UNKL: variants seen among roughly 807,000 people sequenced by gnomAD.
UNKL encodes the protein unk like zinc finger, also known as putative E3 ubiquitin-protein ligase UNKL.
A neutral mutation model predicts 78.0 loss-of-function variants in UNKL; 60 were observed. The observed-to-expected ratio is 0.77, with a 90% CI of 0.63 to 0.95. The LOEUF is 0.95. Ranked by LOEUF, UNKL falls within the 40% of genes least tolerant of loss-of-function variation. The pLI, the probability that UNKL is intolerant of heterozygous loss-of-function variation, is 0.00. For missense variants in UNKL, 1,159 were observed against 1,045.7 expected (o/e 1.11, Z -1.49); for synonymous variants, 608 against 474.8 (o/e 1.28, Z -3.65).
Position 1,376,632 on chromosome 16 carries a change from G to A in UNKL, c.1265-5021C>T, listed in dbSNP as rs111376614. Among the ~76,000 whole-genome samples, 221 of 152,176 alleles carry A rather than the reference G, an allele frequency of 1.5e-3. 1 individual carries two copies. The highest frequency in any genetic ancestry group is 5.4e-3 in the East Asian group (28 of 5,172). On this transcript the variant is annotated intron_variant, in intron 10 of 14. Transcript: ENST00000389221. Reference sequence around the variant, plus strand: ...CACTGGCTCAGGGTCCCACCCTACCGGCCTCATTTTAACCTGGTTATGAGG... The same window carrying A: ...CACTGGCTCAGGGTCCCACCCTACCAGCCTCATTTTAACCTGGTTATGAGG...
chr16:1,413,731 C>T (rs1040919633), intron 2 of UNKL, 115 bp downstream of exon 2: 4 of 1,183,720 alleles, frequency 3.4e-6, no homozygotes, highest in South Asian at 1.6e-5. Flanking sequence ...ATTACGACTC[C>T]CTCTGCAGGG....
intron 10 of UNKL, among the ~76,000 whole-genome samples, chr16:1,384,901 C>A (rs1160499249): frequency 6.6e-6 from 1 of 151,596 alleles, no homozygotes. Context: ...CAACTCCCAT[C>A]ATCTGTCAAC....
intron 5 of UNKL, among the ~76,000 whole-genome samples, chr16:1,397,586 AGAGGACT>A (rs2037332872): frequency 4.7e-4 from 1 of 2,140 alleles, no homozygotes; most frequent in Non-Finnish European, 1.3e-3. Flanking sequence ...AGGGGGACAC[AGAGGACT>A]TGGCTCCCCC....
intron 5 of UNKL, chr16:1,398,458 T>C (rs2037371120): frequency 1.8e-6 from 2 of 1,142,208 alleles, no homozygotes; most frequent in Non-Finnish European, 1.1e-6. Flanking sequence ...TCAGGTCCTT[T>C]ACTCGGAAGC....
In UNKL at chr16:1,370,129, C is replaced by G; in HGVS notation, c.1585+1G>C. The stretch of plus-strand genomic sequence containing the variant: ...CCAGCATGGAGGGAGCCGGCACTCA[C>G]CTAGGGGGCTGTAGGATGAGGCTGC... On this transcript the variant is annotated splice_donor_variant, in intron 12 of 14. Transcript: ENST00000389221. LOFTEE classifies it high-confidence loss of function. 6.5e-7 allele frequency: 1 copy of G among 1,529,954 alleles called. No individual in the cohort carries two copies. Among genetic ancestry groups the G allele is most frequent in the East Asian group, 2.5e-5 (1 of 40,596 alleles). The allele number at this position is 1,529,954 out of a possible 1,614,324, so 94.8% of individuals were successfully genotyped here. A position where few individuals can be genotyped will look rare whatever the true frequency, so the allele number is the denominator to read the frequency against.
chr16:1,369,959 A>G (rs2035657394), intron 12 of UNKL, 171 bp downstream of exon 12: 1 of 1,549,994 alleles, frequency 6.5e-7, no homozygotes, highest in Non-Finnish European at 8.7e-7. Flanking sequence ...TGGGCGACAG[A>G]GCGAGACTCG....
At chr16:1,401,755 G>A in intron 3 of UNKL, 54 bp from the exon 4 acceptor site, 1 of 1,561,260 alleles carries the variant, frequency 6.4e-7, no homozygotes, top group Admixed American at 1.7e-5. Flanking sequence ...CTCCAAAGCT[G>A]AAACGAGGTC....
intron 4 of UNKL, among the ~76,000 whole-genome samples, chr16:1,400,710 C>T (rs1005585380): frequency 2.0e-5 from 3 of 150,948 alleles, no homozygotes; most frequent in African/African-American, 7.3e-5. Flanking sequence ...TTTTTTGAAA[C>T]GGAGTCTCAC....
At chr16:1,408,680 G>C (rs74002227) in intron 2 of UNKL, 1 of 152,766 alleles carries the variant, frequency 6.5e-6, no homozygotes, top group Non-Finnish European at 1.5e-5. Context: ...CCCCAGGGGG[G>C]GCTGACAGAG....
At chr16:1,380,761 G>T (rs1286221650) in intron 10 of UNKL, among the ~76,000 whole-genome samples, 3 of 130,068 alleles carry the variant, frequency 2.3e-5, no homozygotes, top group Non-Finnish European at 3.1e-5. Context: ...TACAACCTCC[G>T]CCTTTGCGGT....
intron 2 of UNKL, among the ~76,000 whole-genome samples, chr16:1,412,670 G>A (rs1340850919): frequency 2.0e-5 from 3 of 152,172 alleles, no homozygotes; most frequent in Admixed American, 1.3e-4. Flanking sequence ...AAATAAATAC[G>A]TAAACATCAA....
At chr16:1,371,480 G>A (rs919693195) in intron 11 of UNKL, 39 bp downstream of exon 11, 7 of 1,528,058 alleles carry the variant, frequency 4.6e-6, no homozygotes, top group East Asian at 4.9e-5. Flanking sequence ...GCTGTTCAGC[G>A]GCTGGAGGAG....
Position 1,397,442 on chromosome 16 carries a change from G to A in UNKL, c.735-147C>T, listed in dbSNP as rs1464298242. The A allele has an allele frequency of 3.4e-5, 31 of 907,302 alleles. 2 individuals carry two copies. The highest frequency in any genetic ancestry group is 2.2e-4 in the Admixed American group (7 of 31,372). 56.2% of individuals were successfully genotyped at this position (907,302 alleles called of 1,614,324 possible). A position where few individuals can be genotyped will look rare whatever the true frequency, so the allele number is the denominator to read the frequency against. On this transcript the variant is annotated intron_variant, in intron 5 of 14. Coordinates refer to ENST00000389221, the MANE Select transcript of UNKL (RefSeq NM_001372107.1). ...ACTTGGCTCCCTGCCCCCCACCCCC[G>A]TGCTTCACGCTGGGGCAGGGCGTGG...
At chr16:1,410,781 A>G (rs1460823891) in intron 2 of UNKL, among the ~76,000 whole-genome samples, 2 of 152,244 alleles carry the variant, frequency 1.3e-5, no homozygotes, top group African/African-American at 2.4e-5. Context: ...CCAGACATCA[A>G]CTAGACAAAT....
chr16:1,378,549 C>T (rs1269574692), intron 10 of UNKL, among the ~76,000 whole-genome samples: 2 of 152,222 alleles, frequency 1.3e-5, no homozygotes, highest in Non-Finnish European at 2.9e-5. Flanking sequence ...AAGCTTCACC[C>T]ACCAGCTGCA....
At chr16:1,370,055 A>G (rs1362645783) in intron 12 of UNKL, 75 bp downstream of exon 12, 9 of 1,550,488 alleles carry the variant, frequency 5.8e-6, no homozygotes, top group African/African-American at 1.4e-5. Context: ...GAGGCCCCTC[A>G]GTCAGGACGG....
At chr16:1,369,902 G>C in intron 12 of UNKL, 1 of 1,521,968 alleles carries the variant, frequency 6.6e-7, no homozygotes, top group Non-Finnish European at 8.8e-7. Flanking sequence ...TTGAACCTGG[G>C]AGGCGGAGGT....
intron 8 of UNKL, 104 bp from the exon 9 acceptor site, chr16:1,390,798 G>C: frequency 8.0e-7 from 1 of 1,254,294 alleles, no homozygotes; most frequent in South Asian, 1.3e-5. Flanking sequence ...GGGAGGCTGA[G>C]GCGGGCGGAT....
At chr16:1,388,749 G>C (rs111931630) in intron 9 of UNKL, among the ~76,000 whole-genome samples, 8 of 151,568 alleles carry the variant, frequency 5.3e-5, no homozygotes, top group Non-Finnish European at 7.4e-5. Flanking sequence ...CGTTCTCCCC[G>C]TGGGGACGCC....
Sources: gnomAD v4.1 joint callset for allele counts (sites outside exome capture counted in the v4.1 genomes callset) on GRCh38, gnomAD v4.1.1 for gene constraint, MANE v1.5 for transcripts, NCBI Gene and HGNC (gene_info 2026-07-23, HGNC 2026-07-21) for gene names.